TDRD7: variants seen among roughly 807,000 people sequenced by gnomAD.
TDRD7 encodes tudor domain containing 7.
TDRD7 carries 47 observed loss-of-function variants against 109.8 expected under a neutral mutation model. The ratio of observed to expected loss-of-function variants is 0.43; its 90% CI spans 0.34 to 0.55. The LOEUF (loss-of-function observed/expected upper bound fraction) is 0.55, where lower values mean the gene tolerates loss of function less well. Ranked by LOEUF, TDRD7 falls within the 20% of genes least tolerant of loss-of-function variation. The pLI is 0.03. For missense variants in TDRD7, 1,164 were observed against 1,319.2 expected (o/e 0.88, Z 1.82); for synonymous variants, 424 against 457.3 (o/e 0.93, Z 0.93).
In TDRD7 at chr9:97,439,331, A is replaced by G. The variant is rs370507991; in HGVS notation, c.637+13A>G. On this transcript the variant is annotated intron_variant, in intron 5 of 16. Coordinates refer to ENST00000355295, the MANE Select transcript of TDRD7 (RefSeq NM_014290.3). ...AAGGAAATGAGTGGTATGTTTTCCA[A>G]ACATTTTTGAGATACATATTGGCTT... 9 of 1,599,522 alleles carry G rather than the reference A, an allele frequency of 5.6e-6. No homozygotes were observed. Among genetic ancestry groups the G allele is most frequent in the Middle Eastern group, 1.7e-4 (1 of 6,040 alleles).
intron 1 of TDRD7, among the ~76,000 whole-genome samples, chr9:97,419,796 G>A (rs1827868945): frequency 6.6e-6 from 1 of 151,728 alleles, no homozygotes. Flanking sequence ...AATTCTTCAG[G>A]GTTTGCTGGG....
chr9:97,437,575 G>A (rs925526917), intron 4 of TDRD7, among the ~76,000 whole-genome samples: 1 of 152,206 alleles, frequency 6.6e-6, no homozygotes, highest in Non-Finnish European at 1.5e-5. Flanking sequence ...ACACAAGGCT[G>A]TGAATACCTG....
chr9:97,434,344 AG>A (rs2118319634), intron 4 of TDRD7, among the ~76,000 whole-genome samples: 1 of 152,298 alleles, frequency 6.6e-6, no homozygotes, highest in East Asian at 1.9e-4. Flanking sequence ...CAGTTACCAA[AG>A]GCAGGGACGT....
intron 1 of TDRD7, among the ~76,000 whole-genome samples, chr9:97,416,728 T>C (rs1827817879): frequency 1.3e-5 from 2 of 152,242 alleles, no homozygotes; most frequent in African/African-American, 4.8e-5. Context: ...TTCAGAGTTA[T>C]GCCTTTAATA....
chr9:97,447,273 T>C (rs947165610), intron 6 of TDRD7, among the ~76,000 whole-genome samples: 1 of 152,208 alleles, frequency 6.6e-6, no homozygotes, highest in Non-Finnish European at 1.5e-5. Context: ...TTATCATTTC[T>C]TAGCTGTATA....
At chr9:97,485,459 C>T (rs1011278008) in intron 15 of TDRD7, among the ~76,000 whole-genome samples, 1 of 152,170 alleles carries the variant, frequency 6.6e-6, no homozygotes, top group African/African-American at 2.4e-5. Flanking sequence ...CTGCCCTATA[C>T]CACTTATTTA....
At chr9:97,428,758 C>A in intron 2 of TDRD7, 86 bp downstream of exon 2, 1 of 1,281,006 alleles carries the variant, frequency 7.8e-7, no homozygotes, top group Non-Finnish European at 1.1e-6. Context: ...CTGTGATAGA[C>A]GTCTAAGTGA....
chr9:97,453,170 C>G (rs1828529891), intron 6 of TDRD7, among the ~76,000 whole-genome samples: 1 of 152,108 alleles, frequency 6.6e-6, no homozygotes, highest in African/African-American at 2.4e-5. Flanking sequence ...TTTCTACCAC[C>G]CACTTCAGAG....
At chr9:97,434,979 G>A (rs1249069374) in intron 4 of TDRD7, among the ~76,000 whole-genome samples, 2 of 152,106 alleles carry the variant, frequency 1.3e-5, no homozygotes, top group Non-Finnish European at 2.9e-5. Flanking sequence ...TATAAAGATA[G>A]ATAACAGATT....
chr9:97,453,401 G>T (rs1444219276), intron 6 of TDRD7, among the ~76,000 whole-genome samples: 5 of 152,132 alleles, frequency 3.3e-5, no homozygotes, highest in Non-Finnish European at 7.3e-5. Flanking sequence ...CTGACTAGAA[G>T]CAGCAGCTTT....
chr9:97,451,099 C>T (rs1029937212), intron 6 of TDRD7, among the ~76,000 whole-genome samples: 10 of 152,020 alleles, frequency 6.6e-5, no homozygotes, highest in African/African-American at 1.9e-4. Context: ...ATCATGCCTG[C>T]GGAATGATGC....
At chr9:97,466,111 C>T (rs149101694) in intron 8 of TDRD7, among the ~76,000 whole-genome samples, 11 of 152,336 alleles carry the variant, frequency 7.2e-5, no homozygotes, top group Admixed American at 4.6e-4. Context: ...GTGCCACTAT[C>T]AGCCGCCAGC....
intron 12 of TDRD7, 131 bp downstream of exon 12, chr9:97,475,600 AGTATG>A: frequency 1.4e-6 from 1 of 739,654 alleles, no homozygotes; most frequent in Non-Finnish European, 2.3e-6. Flanking sequence ...AAACATGACC[AGTATG>A]GTTGAAATTT....
At chr9:97,427,428 T>A (rs1373903683) in intron 1 of TDRD7, among the ~76,000 whole-genome samples, 1 of 152,216 alleles carries the variant, frequency 6.6e-6, no homozygotes, top group Non-Finnish European at 1.5e-5. Context: ...GGTAGCCTTC[T>A]GCAGAGGTCC....
At chr9:97,415,029 G>A (rs1827789089) in intron 1 of TDRD7, among the ~76,000 whole-genome samples, 1 of 152,162 alleles carries the variant, frequency 6.6e-6, no homozygotes, top group South Asian at 2.1e-4. Flanking sequence ...AAGGAGAAGG[G>A]CAGTTAGTTA....
Position 97,460,448 on chromosome 9 carries a change from G to A in TDRD7, c.1126G>A (p.Asp376Asn). Residue 376 changes from aspartate (D) to asparagine (N), a missense_variant, in exon 7 of 17, where the codon GAT becomes AAT. Physicochemically the swap from Asp to Asn is conservative, Grantham distance 23. Transcript: ENST00000355295. ...EEMYKVKFPEDALKNLASLSD... is the reference protein window; with the variant it reads ...EEMYKVKFPENALKNLASLSD... ...AATGTACAAAGTGAAATTCCCTGAGGATGCCTTAAAAAATCTTGCCTCACT... is the reference window on the plus strand; with the variant it reads ...AATGTACAAAGTGAAATTCCCTGAGAATGCCTTAAAAAATCTTGCCTCACT... 8 of 1,614,184 alleles carry A rather than the reference G, an allele frequency of 5.0e-6. No homozygotes were observed. The highest frequency in any genetic ancestry group is 6.8e-6 in the Non-Finnish European group (8 of 1,180,038).
At chr9:97,427,946 A>G (rs1828029789) in intron 1 of TDRD7, among the ~76,000 whole-genome samples, 1 of 152,118 alleles carries the variant, frequency 6.6e-6, no homozygotes, top group Non-Finnish European at 1.5e-5. Context: ...TTTTGGCAAA[A>G]ATGCAAACAT....
At chr9:97,443,607 C>T (rs1458403382) in intron 6 of TDRD7, among the ~76,000 whole-genome samples, 2 of 152,178 alleles carry the variant, frequency 1.3e-5, no homozygotes, top group Non-Finnish European at 2.9e-5. Flanking sequence ...GAGGTATTCC[C>T]TTAGAAGTCT....
chr9:97,430,222 T>TA (rs1172416733), intron 2 of TDRD7, among the ~76,000 whole-genome samples: 1 of 152,200 alleles, frequency 6.6e-6, no homozygotes, highest in Non-Finnish European at 1.5e-5. Flanking sequence ...TCTTTAAAGA[T>TA]ACAGAGCTGA....
Sources: allele counts gnomAD v4.1 joint callset (sites outside exome capture counted in the v4.1 genomes callset), GRCh38; gene constraint gnomAD v4.1.1; transcripts MANE v1.5; gene names NCBI Gene and HGNC (gene_info 2026-07-23, HGNC 2026-07-21).